Variants in PXDN observed in about 807,000 individuals in gnomAD.
The protein encoded by PXDN is peroxidasin homolog.
Under a neutral mutation model 140.3 loss-of-function variants are expected in PXDN, and 77 were observed. The observed-to-expected ratio is 0.55, with a 90% CI of 0.46 to 0.66. The LOEUF (loss-of-function observed/expected upper bound fraction) is 0.66. Ranked by LOEUF, PXDN falls within the 30% of genes least tolerant of loss-of-function variation. PXDN has a pLI of 0.00. For missense variants in PXDN, 1,838 were observed against 2,039.5 expected, an observed-to-expected ratio of 0.90 and a Z score of 1.90; for synonymous variants, 911 against 857.4, an observed-to-expected ratio of 1.06 and a Z score of -1.09.
At position 1,663,778 on chromosome 2, in the gene PXDN, G is replaced by A; in HGVS notation, c.1409-15C>T. On this transcript the variant is annotated splice_polypyrimidine_tract_variant and intron_variant, in intron 11 of 22. Transcript: ENST00000252804. ...GAGCTGGCTCCCTGCAAGGGCATGGGCCCGTTACACTGGACACTCGGACGC... is the reference window on the plus strand; with the variant it reads ...GAGCTGGCTCCCTGCAAGGGCATGGACCCGTTACACTGGACACTCGGACGC... 6.2e-7 allele frequency: 1 copy of A among 1,609,870 alleles called. No individual in the cohort carries two copies. The highest frequency in any genetic ancestry group is 2.2e-5 in the East Asian group (1 of 44,874).
chr2:1,675,018 C>T (rs143633831), intron 8 of PXDN, among the ~76,000 whole-genome samples: 12 of 151,570 alleles, frequency 7.9e-5, no homozygotes, highest in Admixed American at 1.3e-4. Flanking sequence ...GAAAGACCAA[C>T]GCCCACCTTC....
intron 19 of PXDN, 123 bp downstream of exon 19, chr2:1,643,245 A>T: frequency 9.7e-7 from 1 of 1,031,446 alleles, no homozygotes; most frequent in South Asian, 1.6e-5. Context: ...TTAAATCTAA[A>T]GCTGAATATT....
chr2:1,634,797 A>G (rs958476292), intron 22 of PXDN, among the ~76,000 whole-genome samples: 2 of 152,146 alleles, frequency 1.3e-5, no homozygotes, highest in African/African-American at 2.4e-5. Flanking sequence ...TCCTCTCCCA[A>G]TGGCCATGGC....
At chr2:1,724,033 A>G (rs746529533) in intron 1 of PXDN, among the ~76,000 whole-genome samples, 1 of 152,218 alleles carries the variant, frequency 6.6e-6, no homozygotes, top group Non-Finnish European at 1.5e-5. Context: ...TATGACTAGG[A>G]AAAGGAGCAT....
chr2:1,638,579 G>T (rs1682630513), intron 21 of PXDN, among the ~76,000 whole-genome samples: 2 of 152,108 alleles, frequency 1.3e-5, no homozygotes, highest in Non-Finnish European at 2.9e-5. Flanking sequence ...CTCCAGCAAG[G>T]TCACCTGGCT....
intron 16 of PXDN, among the ~76,000 whole-genome samples, chr2:1,650,692 C>T (rs940268183): frequency 3.3e-5 from 5 of 152,142 alleles, no homozygotes; most frequent in East Asian, 3.9e-4. Context: ...GCTACACACA[C>T]GCACACACAC....
At chr2:1,690,224 C>T (rs970743577) in intron 3 of PXDN, among the ~76,000 whole-genome samples, 2 of 152,136 alleles carry the variant, frequency 1.3e-5, no homozygotes, top group African/African-American at 4.8e-5. Context: ...GTCTTTAGTC[C>T]GTTTCTGAGT....
intron 9 of PXDN, among the ~76,000 whole-genome samples, chr2:1,671,050 A>G (rs1205329621): frequency 4.6e-5 from 7 of 152,196 alleles, no homozygotes. Flanking sequence ...GCATCCAGAC[A>G]AACACTGGGA....
Position 1,648,776 on chromosome 2 carries a change from G to T in PXDN, c.3004C>A (p.Leu1002Met). ...TCCCAGTGCGGGTTCAGCTTGAGCA[G>T]CTCCGTGGCAATGCGGTTGTGCTCG... ...FREHNRIATE[L>M]LKLNPHWDGD... Residue 1002 changes from leucine (L) to methionine (M), a missense_variant, in exon 17 of 23, where the codon CTG becomes ATG. Around this residue, in one of 5 missense-constraint regions of PXDN, gnomAD observed 850 missense variants for 894.1 expected, o/e 0.95. Transcript: ENST00000252804. The surrounding 1 kb of genome is among the most constrained non-coding windows in gnomAD (Gnocchi z 8.9). The T allele has an allele frequency of 6.2e-7, 1 of 1,604,318 alleles. No homozygotes were observed. Among genetic ancestry groups the T allele is most frequent in the Non-Finnish European group, 8.5e-7 (1 of 1,176,196 alleles).
rs1685620060 is a variant in PXDN, at chr2:1,743,895, G to A, written c.200+361C>T. 4.0e-5 allele frequency among the ~76,000 whole-genome samples: 6 copies of A among 148,424 alleles called. No homozygotes were observed. In the South Asian group the frequency reaches 8.7e-4, roughly 22 times the overall value. ...GCGAACCAGGGGGAAGCGGGAGGCC[G>A]GCGGAGCATGAGAGGGGGCGGCGGG... On this transcript the variant is annotated intron_variant, in intron 1 of 22. Coordinates refer to ENST00000252804, the MANE Select transcript of PXDN (RefSeq NM_012293.3).
chr2:1,696,011 GCC>G (rs999081135), intron 1 of PXDN, among the ~76,000 whole-genome samples: 5 of 152,262 alleles, frequency 3.3e-5, no homozygotes, highest in Admixed American at 3.3e-4. Flanking sequence ...CCATCCACAG[GCC>G]CCTGTGCCCT....
chr2:1,650,069 C>T (rs1372103078), intron 16 of PXDN, among the ~76,000 whole-genome samples: 2 of 152,164 alleles, frequency 1.3e-5, no homozygotes, highest in Non-Finnish European at 2.9e-5. Context: ...AGACAGTCAC[C>T]ACACCTCCAC....
intron 7 of PXDN, among the ~76,000 whole-genome samples, 190 bp from the exon 8 acceptor site, chr2:1,677,234 A>G (rs969824377): frequency 2.0e-5 from 3 of 152,100 alleles, no homozygotes; most frequent in African/African-American, 7.2e-5. Context: ...GCGGATCTAC[A>G]TGATGTCTAT....
chr2:1,728,176 G>C (rs1685233500), intron 1 of PXDN, among the ~76,000 whole-genome samples: 1 of 152,200 alleles, frequency 6.6e-6, no homozygotes, highest in Non-Finnish European at 1.5e-5. Context: ...GAGCTCAAGA[G>C]ATCCATCCGC....
intron 1 of PXDN, among the ~76,000 whole-genome samples, chr2:1,716,519 TA>T (rs1476416381): frequency 2.0e-4 from 29 of 141,852 alleles, no homozygotes; most frequent in African/African-American, 7.0e-4. Context: ...AAGGACTGGA[TA>T]TAAGAGGTGT....
At chr2:1,654,604 C>G (rs1199965688) in intron 14 of PXDN, 96 bp from the exon 15 acceptor site, 20 of 686,992 alleles carry the variant, frequency 2.9e-5, no homozygotes, top group Non-Finnish European at 2.4e-5. Context: ...ACAAGGCATA[C>G]TTTTCTCCAA....
At chr2:1,655,933 CCACA>C (rs373779674) in intron 14 of PXDN, among the ~76,000 whole-genome samples, 1,591 of 152,014 alleles carry the variant, frequency 0.01, 27 homozygotes, top group African/African-American at 0.037. Context: ...CACATACACA[CCACA>C]CAAATACAAC....
intron 10 of PXDN, among the ~76,000 whole-genome samples, chr2:1,665,346 G>T (rs1282141351): frequency 6.6e-6 from 1 of 152,124 alleles, no homozygotes; most frequent in Non-Finnish European, 1.5e-5. Context: ...CACGGATGAG[G>T]ACACACTGCA....
At chr2:1,700,967 T>C (rs930148174) in intron 1 of PXDN, among the ~76,000 whole-genome samples, 18 of 152,090 alleles carry the variant, frequency 1.2e-4, no homozygotes, top group Non-Finnish European at 2.5e-4. Flanking sequence ...ATTTTAAAGG[T>C]TGGAATTATA....
Sources: gnomAD v4.1 joint callset for allele counts (sites outside exome capture counted in the v4.1 genomes callset) on GRCh38, gnomAD v4.1.1 for gene constraint, gnomAD v4.1.1 regional missense constraint, Gnocchi (gnomAD v3.1) non-coding constraint, MANE v1.5 for transcripts, NCBI Gene and HGNC (gene_info 2026-07-23, HGNC 2026-07-21) for gene names.